The following STXBP5 variants were observed in gnomAD, a reference collection of about 807,000 sequenced individuals.
STXBP5 encodes syntaxin binding protein 5.
Under a neutral mutation model 152.4 loss-of-function variants are expected in STXBP5, and 50 were observed. That is an observed-to-expected ratio of 0.33 (90% CI 0.26 to 0.42). The LOEUF (loss-of-function observed/expected upper bound fraction) is 0.42, where lower values mean the gene tolerates loss of function less well. Among genes scored for constraint, STXBP5 ranks in the 10% least tolerant of loss-of-function variants. The pLI is 1.00. For synonymous variants in STXBP5, 492 were observed against 494.7 expected, an observed-to-expected ratio of 0.99 and a Z score of 0.07; for missense variants, 1,167 against 1,388.6, an observed-to-expected ratio of 0.84 and a Z score of 2.54.
At chr6:147,334,977 G>T (rs961413507) in intron 19 of STXBP5, among the ~76,000 whole-genome samples, 1 of 152,204 alleles carries the variant, frequency 6.6e-6, no homozygotes, top group African/African-American at 2.4e-5. Flanking sequence ...GAAATATTGA[G>T]AAGGGTATTT....
rs146095997 is a variant in STXBP5 at position 147,311,468 on chromosome 6, A to T, written c.1086A>T (p.Pro362=). The part of the protein sequence containing the change: ...ETPYPNDFQE[P]YAVVVLLEKD... ...GTCCAATTCCAGATTTTCAAGAACC[A>T]TATGCTGTGGTTGTTCTTCTAGAAA... Residue 362 remains proline (P), a synonymous_variant, in exon 11 of 28, where the codon CCA becomes CCT. Coordinates refer to ENST00000321680, the MANE Select transcript of STXBP5 (RefSeq NM_001127715.4). 8.7e-6 allele frequency: 14 copies of T among 1,612,118 alleles called. No individual in the cohort carries two copies. Among genetic ancestry groups the T allele is most frequent in the Non-Finnish European group, 1.2e-5 (14 of 1,179,166 alleles).
intron 26 of STXBP5, among the ~76,000 whole-genome samples, chr6:147,374,445 C>A (rs1785712426): frequency 6.6e-6 from 1 of 151,874 alleles, no homozygotes. Flanking sequence ...CATTAAGTAG[C>A]AGTAAGTAGC....
rs1178076788 is a variant in STXBP5 at position 147,327,108 on chromosome 6, T to TACA, written c.1929-16_1929-15insCAA. The TACA allele has an allele frequency of 6.2e-7, 1 of 1,605,926 alleles. No individual in the cohort carries two copies. Among genetic ancestry groups the TACA allele is most frequent in the East Asian group, 2.2e-5 (1 of 44,838 alleles). ...TATTTGTTTGTGCTAAAATGTTTGT[T>TACA]ATTTTCCTATTCCCAGGGTGGTTTT... On this transcript the variant is annotated splice_polypyrimidine_tract_variant and intron_variant, in intron 17 of 27. Transcript: ENST00000321680.
In STXBP5 at chr6:147,385,883, A is replaced by C. The variant is rs1290594010; in HGVS notation, c.*1128A>C. The C allele has an allele frequency of 6.6e-6, 1 of 152,116 alleles. No homozygotes were observed. Among genetic ancestry groups the C allele is most frequent in the Non-Finnish European group, 1.5e-5 (1 of 67,978 alleles). The allele number at this position is 152,116 out of a possible 1,614,324, so 9.4% of individuals were successfully genotyped here. ...AAAATTACAAGCATCTGTTGTCAATAATTATATAAGAGTTTAGTCTGATGA... is the reference window on the plus strand; with the variant it reads ...AAAATTACAAGCATCTGTTGTCAATCATTATATAAGAGTTTAGTCTGATGA... On this transcript the variant is annotated 3_prime_UTR_variant, in exon 28 of 28. Transcript: ENST00000321680.
chr6:147,259,896 G>A (rs2115334220), intron 4 of STXBP5, among the ~76,000 whole-genome samples: 1 of 152,182 alleles, frequency 6.6e-6, no homozygotes, highest in African/African-American at 2.4e-5. Flanking sequence ...ACTGTCTGCA[G>A]TTGTCAGAAT....
At chr6:147,271,205 C>T (rs771495043) in intron 7 of STXBP5, among the ~76,000 whole-genome samples, 8 of 152,046 alleles carry the variant, frequency 5.3e-5, no homozygotes, top group African/African-American at 1.7e-4. Flanking sequence ...TAACCACATA[C>T]TGTCTGTAAG....
At position 147,296,920 on chromosome 6, in the gene STXBP5, GA is replaced by G. The variant is rs969461096; in HGVS notation, c.917+5756del. Among the ~76,000 whole-genome samples, 110 of 151,668 alleles carry G rather than the reference GA, an allele frequency of 7.3e-4. 2 individuals are homozygous for G. The highest frequency in any genetic ancestry group is 2.6e-3 in the African/African-American group (107 of 41,364). ...TTTGAAATAATCCAGCCAGAGGGTG[GA>G]AAAAAAATAAGAATAAAAAAGAATG... On this transcript the variant is annotated intron_variant, in intron 9 of 27. Transcript: ENST00000321680.
chr6:147,237,699 C>A (rs537841172), intron 3 of STXBP5, among the ~76,000 whole-genome samples: 1 of 152,236 alleles, frequency 6.6e-6, no homozygotes, highest in East Asian at 1.9e-4. Flanking sequence ...ACTAGGGTAG[C>A]CCTCATAGAA....
intron 21 of STXBP5, among the ~76,000 whole-genome samples, chr6:147,339,624 T>A (rs1186962610): frequency 2.6e-5 from 4 of 151,994 alleles, no homozygotes; most frequent in Non-Finnish European, 5.9e-5. Context: ...AATTTTATTT[T>A]TGCTTTACTT....
At chr6:147,373,865 GATAATAT>G in intron 26 of STXBP5, 23 bp downstream of exon 26, 2 of 1,557,868 alleles carry the variant, frequency 1.3e-6, no homozygotes, top group Non-Finnish European at 1.8e-6. Flanking sequence ...ATTTAATTCG[GATAATAT>G]ATCTATAAAA....
intron 17 of STXBP5, 82 bp downstream of exon 17, chr6:147,325,166 C>A (rs1783184080): frequency 5.5e-6 from 7 of 1,268,016 alleles, no homozygotes; most frequent in Middle Eastern, 2.1e-4. Context: ...AAAGGATGGT[C>A]TTTGTTATAT....
intron 18 of STXBP5, 23 bp from the exon 19 acceptor site, chr6:147,334,134 T>C (rs1783714381): frequency 6.2e-7 from 1 of 1,608,336 alleles, no homozygotes; most frequent in African/African-American, 1.3e-5. Context: ...TGGGTTGATT[T>C]GTTTTTTGTT....
chr6:147,324,864 A>G lies in STXBP5; in HGVS notation c.1803-95A>G, dbSNP rs1393673931. 1.6e-5 allele frequency: 17 copies of G among 1,079,150 alleles called. No individual in the cohort carries two copies. In the African/African-American group the frequency reaches 2.5e-4, roughly 16 times the overall value. The allele number at this position is 1,079,150 out of a possible 1,614,324, so 66.8% of individuals were successfully genotyped here. On this transcript the variant is annotated intron_variant, in intron 16 of 27. Coordinates refer to ENST00000321680, the MANE Select transcript of STXBP5 (RefSeq NM_001127715.4). ...CAGGATTCTGATTTTTATATATTTA[A>G]GTATCTAGTATCGTTTCATATAAAA...
At chr6:147,294,663 T>C (rs1394400381) in intron 9 of STXBP5, among the ~76,000 whole-genome samples, 1 of 152,166 alleles carries the variant, frequency 6.6e-6, no homozygotes, top group Non-Finnish European at 1.5e-5. Context: ...TTTAAAAAAG[T>C]ATTTTAGTCC....
intron 2 of STXBP5, among the ~76,000 whole-genome samples, 188 bp downstream of exon 2, chr6:147,206,256 C>G (rs1240366846): frequency 1.3e-5 from 2 of 152,112 alleles, no homozygotes; most frequent in Non-Finnish European, 2.9e-5. Context: ...TGTTTCTCAG[C>G]TCCTAGTTTA....
At chr6:147,360,389 A>G (rs544336922) in intron 23 of STXBP5, among the ~76,000 whole-genome samples, 1 of 152,340 alleles carries the variant, frequency 6.6e-6, no homozygotes, top group East Asian at 1.9e-4. Context: ...AAAGACTTGG[A>G]ACCAACACAA....
chr6:147,377,176 G>C (rs1785851315), intron 26 of STXBP5, among the ~76,000 whole-genome samples: 2 of 152,124 alleles, frequency 1.3e-5, no homozygotes. Flanking sequence ...AGTTATGCTT[G>C]TAATCAATAA....
intron 9 of STXBP5, among the ~76,000 whole-genome samples, chr6:147,295,311 G>T (rs1368947627): frequency 6.6e-6 from 1 of 152,132 alleles, no homozygotes; most frequent in Non-Finnish European, 1.5e-5. Flanking sequence ...AGAAGAGTTA[G>T]TTTTCTCCAG....
intron 9 of STXBP5, among the ~76,000 whole-genome samples, chr6:147,307,804 A>C (rs1199685171): frequency 3.3e-5 from 5 of 152,338 alleles, no homozygotes; most frequent in Admixed American, 3.3e-4. Flanking sequence ...TGTAAATATA[A>C]GTTTAGAAAA....
Sources: allele counts gnomAD v4.1 joint callset (sites outside exome capture counted in the v4.1 genomes callset), GRCh38; gene constraint gnomAD v4.1.1; transcripts MANE v1.5; gene names NCBI Gene and HGNC (gene_info 2026-07-23, HGNC 2026-07-21).